SCFD2: variants seen among roughly 807,000 people sequenced by gnomAD.
SCFD2 encodes sec1 family domain containing 2, also known as sec1 family domain-containing protein 2.
In SCFD2, 54 loss-of-function variants were observed where a neutral mutation model predicts 58.9. The observed-to-expected ratio is 0.92, with a 90% confidence interval of 0.74 to 1.15. The LOEUF is 1.15. Among genes scored for constraint, SCFD2 ranks in the 50% most tolerant of loss-of-function variants. The pLI is 0.00. For synonymous variants in SCFD2, 321 were observed against 335.9 expected (o/e 0.96, Z 0.49); for missense variants, 805 against 836.6 (o/e 0.96, Z 0.47).
chr4:53,124,427 T>C (rs10517279), intron 5 of SCFD2, among the ~76,000 whole-genome samples: 26,806 of 152,084 alleles, frequency 0.18, 2,493 homozygotes, highest in South Asian at 0.34. Context: ...TCTTGTGAAG[T>C]TATTATTAAA....
chr4:53,074,421 T>C (rs1027902800), intron 5 of SCFD2, among the ~76,000 whole-genome samples: 1 of 152,126 alleles, frequency 6.6e-6, no homozygotes, highest in Non-Finnish European at 1.5e-5. Flanking sequence ...GTTAATGATA[T>C]TTTCACCTCC....
chr4:53,265,471 A>C (rs1730955769), intron 4 of SCFD2: 1 of 152,162 alleles, frequency 6.6e-6, no homozygotes, highest in African/African-American at 2.4e-5. Flanking sequence ...AAAAATGTGA[A>C]ATGCTTCACG....
chr4:53,207,249 C>T (rs1318180324), intron 4 of SCFD2, among the ~76,000 whole-genome samples: 2 of 148,706 alleles, frequency 1.3e-5, no homozygotes, highest in Non-Finnish European at 1.5e-5. Flanking sequence ...AACCTATGAA[C>T]TTTTGGGGGA....
chr4:53,035,013 C>T (rs181572243), intron 5 of SCFD2, among the ~76,000 whole-genome samples: 1 of 152,160 alleles, frequency 6.6e-6, no homozygotes, highest in South Asian at 2.1e-4. Context: ...GGCCACATAG[C>T]CAAGACAATT....
intron 5 of SCFD2, among the ~76,000 whole-genome samples, chr4:53,141,491 C>A (rs1362181640): frequency 1.3e-5 from 2 of 151,990 alleles, no homozygotes; most frequent in Non-Finnish European, 2.9e-5. Context: ...CCCACAAGAG[C>A]CAAGATTTTG....
At chr4:52,879,945 A>G (rs1718568327) in intron 8 of SCFD2, among the ~76,000 whole-genome samples, 2 of 152,222 alleles carry the variant, frequency 1.3e-5, no homozygotes, top group South Asian at 4.1e-4. Flanking sequence ...ACCAACATGC[A>G]TATTCATTCG....
At chr4:53,336,847 A>C (rs551787086) in intron 2 of SCFD2, among the ~76,000 whole-genome samples, 1 of 152,198 alleles carries the variant, frequency 6.6e-6, no homozygotes, top group Non-Finnish European at 1.5e-5. Flanking sequence ...GAAATAAATC[A>C]GGGCTTTGGT....
At chr4:53,082,774 C>T (rs1188664376) in intron 5 of SCFD2, among the ~76,000 whole-genome samples, 1 of 152,146 alleles carries the variant, frequency 6.6e-6, no homozygotes, top group Non-Finnish European at 1.5e-5. Flanking sequence ...CTCTGGCCCA[C>T]AGACATCAGT....
intron 2 of SCFD2, among the ~76,000 whole-genome samples, chr4:53,337,368 G>T (rs1733717612): frequency 1.3e-5 from 2 of 152,074 alleles, no homozygotes; most frequent in African/African-American, 4.8e-5. Flanking sequence ...TCTTTAATGG[G>T]CTTATCTCAA....
intron 4 of SCFD2, among the ~76,000 whole-genome samples, chr4:53,156,765 GTC>G (rs1726702763): frequency 6.6e-6 from 1 of 152,192 alleles, no homozygotes; most frequent in Non-Finnish European, 1.5e-5. Flanking sequence ...AATCCTAAAT[GTC>G]TCTTTAATAT....
In SCFD2 at chr4:53,099,520, G is replaced by A. The variant is rs187840409; in HGVS notation, c.1561+45813C>T. ...CAAGGTTCTGCAGGTTGTACAAGACGCATGGCGCCAGCATCTGCTTGGCTT... is the reference window on the plus strand; with the variant it reads ...CAAGGTTCTGCAGGTTGTACAAGACACATGGCGCCAGCATCTGCTTGGCTT... On this transcript the variant is annotated intron_variant, in intron 5 of 8. Transcript: ENST00000401642. 4.4e-3 allele frequency among the ~76,000 whole-genome samples: 677 copies of A among 152,242 alleles called. 6 individuals are homozygous for A. Among genetic ancestry groups the A allele is most frequent in the Middle Eastern group, 0.024 (7 of 292 alleles).
At chr4:53,147,173 C>A (rs903441718) in intron 4 of SCFD2, among the ~76,000 whole-genome samples, 1 of 152,028 alleles carries the variant, frequency 6.6e-6, no homozygotes, top group Non-Finnish European at 1.5e-5. Context: ...TTTTTTAATG[C>A]TCAAAGAAGA....
intron 4 of SCFD2, among the ~76,000 whole-genome samples, chr4:53,216,890 C>T (rs1403399848): frequency 6.6e-6 from 1 of 152,160 alleles, no homozygotes; most frequent in Non-Finnish European, 1.5e-5. Flanking sequence ...TTTCTGCCTT[C>T]ATTTCGTTAT....
chr4:53,268,738 C>T (rs1195436480), intron 4 of SCFD2, among the ~76,000 whole-genome samples: 1 of 152,082 alleles, frequency 6.6e-6, no homozygotes, highest in Non-Finnish European at 1.5e-5. Flanking sequence ...GGTAGAAGAG[C>T]ATCCCTATGG....
intron 4 of SCFD2, among the ~76,000 whole-genome samples, chr4:53,182,112 A>C (rs1200718967): frequency 6.6e-6 from 1 of 152,184 alleles, no homozygotes; most frequent in Non-Finnish European, 1.5e-5. Context: ...CATCCCCATC[A>C]AGCTACCAAT....
At chr4:53,300,540 C>A (rs998106688) in intron 3 of SCFD2, among the ~76,000 whole-genome samples, 1 of 152,034 alleles carries the variant, frequency 6.6e-6, no homozygotes, top group Admixed American at 6.6e-5. Flanking sequence ...GACAGATCAA[C>A]GAGAAAGAAA....
chr4:53,292,565 G>C (rs1174334017), intron 3 of SCFD2, among the ~76,000 whole-genome samples: 4 of 152,160 alleles, frequency 2.6e-5, no homozygotes, highest in Admixed American at 2.6e-4. Context: ...ATGTTGGTGA[G>C]GCTGCAGAGA....
chr4:53,218,838 G>C (rs1728949711), intron 4 of SCFD2, among the ~76,000 whole-genome samples: 1 of 152,196 alleles, frequency 6.6e-6, no homozygotes, highest in African/African-American at 2.4e-5. Flanking sequence ...TGTCCTTTCT[G>C]TTTGTTAGTT....
chr4:53,098,689 T>C (rs775718286), intron 5 of SCFD2, among the ~76,000 whole-genome samples: 18 of 152,078 alleles, frequency 1.2e-4, no homozygotes, highest in Non-Finnish European at 2.6e-4. Flanking sequence ...TTAAGATCAA[T>C]GAGCCTCTTC....
Sources: gnomAD v4.1 joint callset for allele counts (sites outside exome capture counted in the v4.1 genomes callset) on GRCh38, gnomAD v4.1.1 for gene constraint, MANE v1.5 for transcripts, NCBI Gene and HGNC (gene_info 2026-07-23, HGNC 2026-07-21) for gene names.